Variants in MAP2K1 observed in about 807,000 individuals in gnomAD.
MAP2K1 encodes mitogen-activated protein kinase kinase 1, also known as dual specificity mitogen-activated protein kinase kinase 1.
A neutral mutation model predicts 46.3 loss-of-function variants in MAP2K1; 16 were observed. The observed-to-expected ratio is 0.35, with a 90% CI of 0.23 to 0.52. MAP2K1 has a LOEUF of 0.52. Among genes scored for constraint, MAP2K1 ranks in the 20% least tolerant of loss-of-function variants. The probability of loss-of-function intolerance (pLI) is 0.94; values close to 1 mark genes in which losing one functional copy is unlikely to be tolerated. For missense variants in MAP2K1, 263 were observed against 497.1 expected (o/e 0.53, Z 4.48); for synonymous variants, 183 against 185.6 (o/e 0.99, Z 0.11).
intron 1 of MAP2K1, among the ~76,000 whole-genome samples, chr15:66,390,130 A>C (rs1485265186): frequency 6.6e-6 from 1 of 152,032 alleles, no homozygotes; most frequent in East Asian, 1.9e-4. Flanking sequence ...AACTCTCCCT[A>C]GTTTGGTTTT....
At chr15:66,399,240 A>G (rs997611908) in intron 1 of MAP2K1, among the ~76,000 whole-genome samples, 1 of 152,268 alleles carries the variant, frequency 6.6e-6, no homozygotes, top group Admixed American at 6.5e-5. Context: ...TTGTTTAGTT[A>G]GAGTTTTACT....
intron 5 of MAP2K1, among the ~76,000 whole-genome samples, chr15:66,476,994 G>A (rs560173190): frequency 6.6e-6 from 1 of 152,336 alleles, no homozygotes; most frequent in South Asian, 2.1e-4. Context: ...CTGGGGTTCA[G>A]TGATCTCATG....
At chr15:66,429,803 G>A (rs1364169601) in intron 1 of MAP2K1, among the ~76,000 whole-genome samples, 1 of 151,240 alleles carries the variant, frequency 6.6e-6, no homozygotes, top group Non-Finnish European at 1.5e-5. Flanking sequence ...CTCCTTATAC[G>A]CCTAACTCTC....
At chr15:66,468,964 A>AT (rs1434959641) in intron 5 of MAP2K1, among the ~76,000 whole-genome samples, 37 of 133,112 alleles carry the variant, frequency 2.8e-4, no homozygotes, top group South Asian at 4.8e-4. Context: ...AAAAAAAAAA[A>AT]TTTTTTTTTT....
chr15:66,444,585 T>C, intron 4 of MAP2K1, 71 bp from the exon 5 acceptor site: 1 of 1,090,562 alleles, frequency 9.2e-7, no homozygotes, highest in Non-Finnish European at 1.4e-6. Context: ...TTTCCTAGAG[T>C]ATTTTAAAAT....
At chr15:66,402,050 T>G in intron 1 of MAP2K1, 2 of 1,251,486 alleles carry the variant, frequency 1.6e-6, no homozygotes, top group Non-Finnish European at 2.1e-6. Flanking sequence ...GAGTAGTTTT[T>G]ATATGCTTTG....
chr15:66,444,707 G>A lies in MAP2K1; in HGVS notation c.568G>A (p.Asp190Asn). The change falls in exon 5 of 11, where the codon GAT becomes AAT. Residue 190 changes from aspartate to asparagine, a missense_variant and splice_region_variant. Transcript: ENST00000307102. Reference protein sequence around the residue: ...LREKHKIMHRDVKPSNILVNS... With the variant: ...LREKHKIMHRNVKPSNILVNS... ...GGAGAAGCACAAGATCATGCACAGA[G>A]GTAAGAAGTTATTTGCTAGTTATTT... is the stretch of plus-strand genomic sequence containing the variant. 6.2e-7 allele frequency: 1 copy of A among 1,611,310 alleles called. No homozygotes were observed. The highest frequency in any genetic ancestry group is 1.7e-5 in the Admixed American group (1 of 60,024).
chr15:66,478,372 T>TGTGTA (rs1226301193), intron 5 of MAP2K1, among the ~76,000 whole-genome samples: 10 of 125,620 alleles, frequency 8.0e-5, no homozygotes, highest in African/African-American at 2.9e-4. Context: ...CACATATATG[T>TGTGTA]TAAATATATA....
chr15:66,410,437 A>T (rs1186164138), intron 1 of MAP2K1, among the ~76,000 whole-genome samples: 3 of 152,172 alleles, frequency 2.0e-5, no homozygotes, highest in East Asian at 3.8e-4. Context: ...GAGAAGGTTG[A>T]TAAGTGTATT....
intron 1 of MAP2K1, among the ~76,000 whole-genome samples, chr15:66,397,255 G>A (rs1048586574): frequency 2.0e-4 from 30 of 151,920 alleles, no homozygotes; most frequent in African/African-American, 6.8e-4. Context: ...CGCCTGCCTC[G>A]GCCTCCCAAA....
chr15:66,468,743 C>T (rs538000590), intron 5 of MAP2K1, among the ~76,000 whole-genome samples: 18 of 152,008 alleles, frequency 1.2e-4, no homozygotes, highest in South Asian at 2.1e-4. Flanking sequence ...CCAGCCTGGC[C>T]AACATGGTGA....
chr15:66,449,716 C>A (rs1331363473), intron 5 of MAP2K1, among the ~76,000 whole-genome samples: 1 of 152,098 alleles, frequency 6.6e-6, no homozygotes, highest in African/African-American at 2.4e-5. Context: ...CCCCCGTCTA[C>A]TAAAAATACA....
intron 1 of MAP2K1, among the ~76,000 whole-genome samples, chr15:66,423,637 C>T (rs1202640382): frequency 1.9e-5 from 2 of 103,798 alleles, no homozygotes; most frequent in Non-Finnish European, 3.6e-5. Flanking sequence ...GATGGAGTTT[C>T]ACTCTTGTTG....
At chr15:66,391,351 C>T (rs1424475246) in intron 1 of MAP2K1, among the ~76,000 whole-genome samples, 1 of 152,210 alleles carries the variant, frequency 6.6e-6, no homozygotes, top group Non-Finnish European at 1.5e-5. Flanking sequence ...TGCAGTGGCA[C>T]TACCTCGGCT....
intron 5 of MAP2K1, among the ~76,000 whole-genome samples, chr15:66,455,702 G>A (rs1294348827): frequency 2.0e-5 from 3 of 152,200 alleles, no homozygotes; most frequent in Non-Finnish European, 4.4e-5. Context: ...CACCAGGTGG[G>A]AACCCAAAGG....
chr15:66,442,233 T>TC (rs2093506152), intron 3 of MAP2K1, among the ~76,000 whole-genome samples: 1 of 152,194 alleles, frequency 6.6e-6, no homozygotes, highest in African/African-American at 2.4e-5. Flanking sequence ...TTCTTTTACT[T>TC]CTGACTCCAT....
intron 1 of MAP2K1, among the ~76,000 whole-genome samples, chr15:66,427,950 G>A (rs1178706052): frequency 2.0e-5 from 3 of 152,088 alleles, no homozygotes; most frequent in Admixed American, 6.5e-5. Context: ...GGAGGTGAAG[G>A]TTGCAGTAAA....
At position 66,435,212 on chromosome 15, in the gene MAP2K1, C is replaced by T; in HGVS notation, c.266C>T (p.Pro89Leu). 6.2e-7 allele frequency: 1 copy of T among 1,614,116 alleles called. No homozygotes were observed. The highest frequency in any genetic ancestry group is 8.5e-7 in the Non-Finnish European group (1 of 1,180,016). The change falls in exon 2 of 11, where the codon CCT becomes CTT. Residue 89 changes from proline (P) to leucine (L), a missense_variant. By Grantham distance (98) the Pro-to-Leu change is moderately conservative (BLOSUM62 -3). Coordinates refer to ENST00000307102, the MANE Select transcript of MAP2K1 (RefSeq NM_002755.4). ...GTGGTGTTCAAGGTCTCCCACAAGC[C>T]TTCTGGCCTGGTCATGGCCAGAAAG... ...GGVVFKVSHK[P>L]SGLVMARKLI...
chr15:66,421,757 T>G (rs969366753), intron 1 of MAP2K1, among the ~76,000 whole-genome samples: 46 of 150,452 alleles, frequency 3.1e-4, no homozygotes, highest in African/African-American at 1.1e-3. Flanking sequence ...TGAGATCGTA[T>G]CACTGCACTT....
Sources: gnomAD v4.1 joint callset for allele counts (sites outside exome capture counted in the v4.1 genomes callset) on GRCh38, gnomAD v4.1.1 for gene constraint, MANE v1.5 for transcripts, NCBI Gene and HGNC (gene_info 2026-07-23, HGNC 2026-07-21) for gene names.